Variants in TRDN observed in about 807,000 individuals in gnomAD.
TRDN encodes the protein triadin in skeletal muscle.
In TRDN, 161 loss-of-function variants were observed where a neutral mutation model predicts 149.7. That is an observed-to-expected ratio of 1.08 (90% confidence interval 0.95 to 1.23). TRDN has a LOEUF of 1.23. TRDN is among the 50% of genes most tolerant of loss of function. The pLI is 0.00. For synonymous variants in TRDN, 294 were observed against 250.5 expected (o/e 1.17, Z -1.64); for missense variants, 896 against 823.5 (o/e 1.09, Z -1.08).
chr6:123,629,804 A>G (rs562498849), intron 1 of TRDN, among the ~76,000 whole-genome samples: 1 of 152,136 alleles, frequency 6.6e-6, no homozygotes, highest in East Asian at 1.9e-4. Context: ...ATGTTTAGAG[A>G]GCATTAACTT....
chr6:123,289,675 A>G (rs1043625646), intron 24 of TRDN, among the ~76,000 whole-genome samples: 6 of 152,110 alleles, frequency 3.9e-5, no homozygotes, highest in Admixed American at 1.3e-4. Context: ...CTTCACCTTA[A>G]TCTTCATGCA....
At chr6:123,590,811 A>C (rs6920183) in intron 1 of TRDN, among the ~76,000 whole-genome samples, 3,234 of 152,200 alleles carry the variant, frequency 0.021, 108 homozygotes, top group African/African-American at 0.072. Flanking sequence ...AGTGCACGAT[A>C]AATATAATGT....
At chr6:123,337,511 C>T (rs565480957) in intron 22 of TRDN, 108 bp downstream of exon 22, 33 of 392,952 alleles carry the variant, frequency 8.4e-5, no homozygotes, top group African/African-American at 6.3e-4. Context: ...GTGACCTCTG[C>T]AGTTCTGGTT....
rs1407520037 is a variant in TRDN, at chr6:123,340,437, C to T, written c.1370-2768G>A. Among the ~76,000 whole-genome samples, 8 of 152,078 alleles carry T rather than the reference C, an allele frequency of 5.3e-5. No individual in the cohort carries two copies. The East Asian group carries it at 1.4e-3, about 26-fold the overall frequency. On this transcript the variant is annotated intron_variant, in intron 21 of 40. Coordinates refer to ENST00000334268, the MANE Select transcript of TRDN (RefSeq NM_006073.4). ...TGTTAATACAAATATTTTGTTGGAGCTTTCTGGCTTGGTGTCAACATTGAA... is the reference window on the plus strand; with the variant it reads ...TGTTAATACAAATATTTTGTTGGAGTTTTCTGGCTTGGTGTCAACATTGAA...
chr6:123,255,100 T>C lies in TRDN; in HGVS notation c.1932A>G (p.Gln644=), dbSNP rs976397587. The C allele has an allele frequency of 1.2e-5, 17 of 1,377,238 alleles. No homozygotes were observed. In the African/African-American group the frequency reaches 1.3e-4, roughly 10 times the overall value. The allele number at this position is 1,377,238 out of a possible 1,614,324, so 85.3% of individuals were successfully genotyped here. A position where few individuals can be genotyped will look rare whatever the true frequency, so the allele number is the denominator to read the frequency against. Residue 644 remains glutamine (Q), a synonymous_variant, in exon 37 of 41, where the codon CAA becomes CAG. Transcript: ENST00000334268. ...EKVSTRKESL[Q]LHNVTKAEKP... ...GATTACCTTTTGTCACATTGTGTAATTGAAGACTTTCTTTTCTTGTTGAGA... is the reference window on the plus strand; with the variant it reads ...GATTACCTTTTGTCACATTGTGTAACTGAAGACTTTCTTTTCTTGTTGAGA...
chr6:123,325,078 C>A (rs1779390328), intron 23 of TRDN, among the ~76,000 whole-genome samples: 1 of 151,794 alleles, frequency 6.6e-6, no homozygotes, highest in Admixed American at 6.6e-5. Context: ...CTAGCAAACA[C>A]AATAAAATTA....
chr6:123,349,413 C>T (rs1780370119), intron 21 of TRDN: 1 of 610,044 alleles, frequency 1.6e-6, no homozygotes, highest in African/African-American at 2.0e-5. Flanking sequence ...TGTGGGCGCT[C>T]AATAAATATT....
At chr6:123,224,529 C>A (rs1477445930) in intron 38 of TRDN, among the ~76,000 whole-genome samples, 1 of 151,712 alleles carries the variant, frequency 6.6e-6, no homozygotes, top group African/African-American at 2.4e-5. Flanking sequence ...CAGTGTCTAC[C>A]CACACAATTT....
intron 1 of TRDN, among the ~76,000 whole-genome samples, chr6:123,621,257 A>G (rs751980497): frequency 2.2e-4 from 34 of 152,072 alleles, no homozygotes; most frequent in Non-Finnish European, 3.2e-4. Flanking sequence ...TCCTCCAAAC[A>G]TCCATTTTAT....
chr6:123,416,201 T>C (rs1391864435), intron 12 of TRDN, among the ~76,000 whole-genome samples: 1 of 152,194 alleles, frequency 6.6e-6, no homozygotes, highest in East Asian at 1.9e-4. Context: ...TCTAATTGTT[T>C]TCACTTTTAT....
intron 23 of TRDN, among the ~76,000 whole-genome samples, chr6:123,325,115 T>C (rs1779392034): frequency 6.6e-6 from 1 of 152,116 alleles, no homozygotes; most frequent in East Asian, 1.9e-4. Flanking sequence ...TTTGACTATG[T>C]GTTAGGATAA....
At chr6:123,419,847 G>A (rs531650554) in intron 12 of TRDN, among the ~76,000 whole-genome samples, 11 of 152,224 alleles carry the variant, frequency 7.2e-5, no homozygotes, top group East Asian at 3.9e-4. Context: ...TTTGACAATC[G>A]TTTTAGAATC....
At chr6:123,509,540 G>A (rs1028559035) in intron 7 of TRDN, 3 of 152,186 alleles carry the variant, frequency 2.0e-5, no homozygotes, top group African/African-American at 7.2e-5. Flanking sequence ...TGATTGGCTA[G>A]TAGTCCTTGA....
chr6:123,255,742 C>T, intron 36 of TRDN, 125 bp downstream of exon 36: 1 of 432,134 alleles, frequency 2.3e-6, no homozygotes, highest in Non-Finnish European at 3.9e-6. Flanking sequence ...TCTTCTTTTA[C>T]TCAGGCTAAC....
Position 123,584,317 on chromosome 6 carries a change from G to C in TRDN, c.23-13185C>G, listed in dbSNP as rs183235433. Among the ~76,000 whole-genome samples, 669 of 152,302 alleles carry C rather than the reference G, an allele frequency of 4.4e-3. 2 individuals carry two copies. Among genetic ancestry groups the C allele is most frequent in the Admixed American group, 8.0e-3 (123 of 15,298 alleles). On this transcript the variant is annotated intron_variant, in intron 1 of 40. Coordinates refer to ENST00000334268, the MANE Select transcript of TRDN (RefSeq NM_006073.4). ...TTGGAAGTTATGAGAAATGTAGAGA[G>C]TAAGTTGAGCATAGTTTGTGATTTT... is the stretch of plus-strand genomic sequence containing the variant.
At position 123,356,522 on chromosome 6, in the gene TRDN, T is replaced by TATATATATATAC. The variant is rs1562275965; in HGVS notation, c.1322-3937_1322-3936insGTATATATATAT. 2.1e-4 allele frequency among the ~76,000 whole-genome samples: 15 copies of TATATATATATAC among 72,340 alleles called. 1 individual carries two copies. In the South Asian group the frequency reaches 0.012, roughly 56 times the overall value. The allele number at this position is 72,340 out of a possible 152,430, so 47.5% of individuals were successfully genotyped here. A position where few individuals can be genotyped will look rare whatever the true frequency, so the allele number is the denominator to read the frequency against. On this transcript the variant is annotated intron_variant, in intron 20 of 40. Coordinates refer to ENST00000334268, the MANE Select transcript of TRDN (RefSeq NM_006073.4). Reference sequence around the variant, plus strand: ...AGAAGTTTATATATATATATATATATATATATATATATATATATATATATA... The same window carrying TATATATATATAC: ...AGAAGTTTATATATATATATATATATATATATATATACATATATATATATATATATATATATA...
intron 1 of TRDN, among the ~76,000 whole-genome samples, chr6:123,606,530 T>A (rs1353319790): frequency 6.6e-6 from 1 of 152,092 alleles, no homozygotes; most frequent in Admixed American, 6.6e-5. Context: ...ACATATAATT[T>A]TCTAGTTTAG....
At chr6:123,387,654 A>T (rs1265389773) in intron 14 of TRDN, among the ~76,000 whole-genome samples, 2 of 152,162 alleles carry the variant, frequency 1.3e-5, no homozygotes, top group Non-Finnish European at 2.9e-5. Context: ...GACCCACAGG[A>T]GTCCTTGACC....
chr6:123,628,317 G>A (rs891171426), intron 1 of TRDN, among the ~76,000 whole-genome samples: 2 of 152,048 alleles, frequency 1.3e-5, no homozygotes, highest in Admixed American at 6.6e-5. Flanking sequence ...TCGGGGAACA[G>A]AAAAGCCTGA....
Sources: gnomAD v4.1 joint callset for allele counts (sites outside exome capture counted in the v4.1 genomes callset) on GRCh38, gnomAD v4.1.1 for gene constraint, MANE v1.5 for transcripts, NCBI Gene and HGNC (gene_info 2026-07-23, HGNC 2026-07-21) for gene names.